PTPRK: variants seen among roughly 807,000 people sequenced by gnomAD.
PTPRK encodes receptor-type tyrosine-protein phosphatase kappa.
In PTPRK, 75 loss-of-function variants were observed where a neutral mutation model predicts 178.0. The observed-to-expected ratio is 0.42, with a 90% CI of 0.35 to 0.51. The LOEUF is 0.51. Ranked by LOEUF, PTPRK falls within the 20% of genes least tolerant of loss-of-function variation. The pLI is 0.02. For synonymous variants in PTPRK, 637 were observed against 620.6 expected, an observed-to-expected ratio of 1.03 and a Z score of -0.39; for missense variants, 1,441 against 1,797.8, an observed-to-expected ratio of 0.80 and a Z score of 3.59.
chr6:128,321,917 G>A, intron 3 of PTPRK, 122 bp downstream of exon 3: 1 of 1,259,220 alleles, frequency 7.9e-7, no homozygotes, highest in Non-Finnish European at 1.1e-6. Flanking sequence ...CCAATAATGG[G>A]GGTGGGGGAG....
intron 1 of PTPRK, among the ~76,000 whole-genome samples, chr6:128,412,631 A>C (rs920236629): frequency 5.3e-5 from 8 of 152,258 alleles, no homozygotes; most frequent in African/African-American, 1.9e-4. Context: ...GAACACTAGC[A>C]TTCCTGCAAT....
rs146412972 is a variant in PTPRK, at chr6:128,511,392, C to G, written c.100+8867G>C. ...TTCCCCTCAGTCAGAGCCTTAGATT[C>G]AATGGTTGGAAACAAGATCAGTGGA... On this transcript the variant is annotated intron_variant, in intron 1 of 29. Coordinates refer to ENST00000368226, the MANE Select transcript of PTPRK (RefSeq NM_002844.4). Among the ~76,000 whole-genome samples, 592 of 152,302 alleles carry G rather than the reference C, an allele frequency of 3.9e-3. 3 individuals carry two copies. The highest frequency in any genetic ancestry group is 0.013 in the African/African-American group (560 of 41,560).
intron 1 of PTPRK, among the ~76,000 whole-genome samples, chr6:128,420,761 T>C (rs184818347): frequency 6.6e-6 from 1 of 152,290 alleles, no homozygotes; most frequent in Non-Finnish European, 1.5e-5. Context: ...AAGGACATTC[T>C]AGTGGTGGGG....
At chr6:128,300,626 T>C (rs541682164) in intron 3 of PTPRK, among the ~76,000 whole-genome samples, 2 of 143,996 alleles carry the variant, frequency 1.4e-5, no homozygotes, top group African/African-American at 2.6e-5. Flanking sequence ...AACCAAACAC[T>C]GCATATTCTC....
intron 7 of PTPRK, among the ~76,000 whole-genome samples, chr6:128,116,521 A>G (rs1046096284): frequency 1.6e-4 from 24 of 152,254 alleles, no homozygotes; most frequent in African/African-American, 5.8e-4. Flanking sequence ...TTTGGCAGAT[A>G]AGACATGGTG....
chr6:128,116,091 C>T (rs897690598), intron 7 of PTPRK, among the ~76,000 whole-genome samples: 3 of 152,082 alleles, frequency 2.0e-5, no homozygotes, highest in East Asian at 1.9e-4. Context: ...AAGATTTCTT[C>T]TACTTCTGTT....
intron 7 of PTPRK, among the ~76,000 whole-genome samples, chr6:128,090,503 ATGT>A (rs1352872488): frequency 3.9e-5 from 6 of 152,236 alleles, no homozygotes; most frequent in East Asian, 1.9e-4. Flanking sequence ...TTCTATAATG[ATGT>A]TGTTCATCAA....
At chr6:128,325,876 T>C (rs976645571) in intron 2 of PTPRK, among the ~76,000 whole-genome samples, 2 of 152,122 alleles carry the variant, frequency 1.3e-5, no homozygotes, top group African/African-American at 4.8e-5. Context: ...ACACGTATGT[T>C]TACTGCAGCA....
At chr6:128,442,669 T>C (rs1846428323) in intron 1 of PTPRK, among the ~76,000 whole-genome samples, 1 of 152,208 alleles carries the variant, frequency 6.6e-6, no homozygotes, top group African/African-American at 2.4e-5. Flanking sequence ...TGCATCTTCA[T>C]ACATAACGAA....
At chr6:128,454,139 G>C (rs1365182196) in intron 1 of PTPRK, among the ~76,000 whole-genome samples, 2 of 152,178 alleles carry the variant, frequency 1.3e-5, no homozygotes, top group Non-Finnish European at 2.9e-5. Flanking sequence ...AGCCAAGTGA[G>C]GACATAGCCA....
rs201987667 is a variant in PTPRK, at chr6:128,240,164, G to GA, written c.578-15dup. On this transcript the variant is annotated splice_polypyrimidine_tract_variant and intron_variant, in intron 4 of 29. Coordinates refer to ENST00000368226, the MANE Select transcript of PTPRK (RefSeq NM_002844.4). ...GAGGAGATTTATCTGTGAAGGAAGG[G>GA]AAAAAAAAATGTATTTGTTTTCACA... The GA allele has an allele frequency of 3.9e-4, 574 of 1,482,936 alleles. No individual in the cohort carries two copies. The highest frequency in any genetic ancestry group is 5.9e-4 in the Admixed American group (30 of 50,436). The allele number at this position is 1,482,936 out of a possible 1,614,324, so 91.9% of individuals were successfully genotyped here. A position where few individuals can be genotyped will look rare whatever the true frequency, so the allele number is the denominator to read the frequency against.
intron 2 of PTPRK, among the ~76,000 whole-genome samples, chr6:128,380,409 C>T (rs1161748224): frequency 6.6e-6 from 1 of 151,970 alleles, no homozygotes; most frequent in Non-Finnish European, 1.5e-5. Flanking sequence ...CAACCTTCCC[C>T]AAGGGCTGTG....
rs923569958 is a variant in PTPRK at position 128,283,428 on chromosome 6, T to C, written c.495+38611A>G. On this transcript the variant is annotated intron_variant, in intron 3 of 29. Coordinates refer to ENST00000368226, the MANE Select transcript of PTPRK (RefSeq NM_002844.4). ...AGAATTTCTCAGTTATAAAGCCAAA[T>C]GTAAGGTAATTCTTCCTTCTCATAT... 2.0e-5 allele frequency among the ~76,000 whole-genome samples: 3 copies of C among 152,282 alleles called. No individual in the cohort carries two copies. In the East Asian group the frequency reaches 5.8e-4, roughly 29 times the overall value.
intron 1 of PTPRK, among the ~76,000 whole-genome samples, chr6:128,431,676 T>C (rs2128394248): frequency 6.6e-6 from 1 of 152,328 alleles, no homozygotes; most frequent in African/African-American, 2.4e-5. Context: ...TAATTGTTTG[T>C]TTTTCTTTCT....
At chr6:128,376,061 A>G (rs542645316) in intron 2 of PTPRK, among the ~76,000 whole-genome samples, 1 of 152,194 alleles carries the variant, frequency 6.6e-6, no homozygotes, top group East Asian at 1.9e-4. Context: ...CAGGCACACA[A>G]TGCAAGCTGT....
rs189153359 is a variant in PTPRK at position 127,999,312 on chromosome 6, C to T, written c.2495-408G>A. On this transcript the variant is annotated intron_variant, in intron 15 of 29. Transcript: ENST00000368226. Reference sequence around the variant, plus strand: ...AAACTCCTTCCCAACCATATCCCAACCTCCCTCAGAGATACCCGATCTAGG... The same window carrying T: ...AAACTCCTTCCCAACCATATCCCAATCTCCCTCAGAGATACCCGATCTAGG... Among the ~76,000 whole-genome samples, 4 of 152,126 alleles carry T rather than the reference C, an allele frequency of 2.6e-5. No homozygotes were observed. The East Asian group carries it at 7.8e-4, about 30-fold the overall frequency.
At chr6:128,114,684 G>A (rs895538770) in intron 7 of PTPRK, among the ~76,000 whole-genome samples, 5 of 147,478 alleles carry the variant, frequency 3.4e-5, no homozygotes, top group Admixed American at 2.7e-4. Flanking sequence ...TGGAGGAAAC[G>A]ACCCCCAAGA....
intron 3 of PTPRK, among the ~76,000 whole-genome samples, chr6:128,252,520 G>A (rs1259986788): frequency 6.6e-6 from 1 of 152,172 alleles, no homozygotes; most frequent in African/African-American, 2.4e-5. Flanking sequence ...AACCTGAACT[G>A]AGAATGAATA....
intron 7 of PTPRK, among the ~76,000 whole-genome samples, chr6:128,146,922 T>C (rs1796586106): frequency 6.6e-6 from 1 of 152,160 alleles, no homozygotes; most frequent in South Asian, 2.1e-4. Flanking sequence ...GTAAGTATCA[T>C]ATAATTGCTT....
Sources: gnomAD v4.1 joint callset for allele counts (sites outside exome capture counted in the v4.1 genomes callset) on GRCh38, gnomAD v4.1.1 for gene constraint, MANE v1.5 for transcripts, NCBI Gene and HGNC (gene_info 2026-07-23, HGNC 2026-07-21) for gene names.